NAV3: variants seen among roughly 807,000 people sequenced by gnomAD.
The protein encoded by NAV3 is neuron navigator 3.
In NAV3, 87 loss-of-function variants were observed where a neutral mutation model predicts 244.7. The observed-to-expected ratio is 0.36, with a 90% CI of 0.30 to 0.42. The LOEUF is 0.42. Among genes scored for constraint, NAV3 ranks in the 20% least tolerant of loss-of-function variants. The pLI is 1.00. For synonymous variants in NAV3, 1,126 were observed against 1,042.2 expected, an observed-to-expected ratio of 1.08 and a Z score of -1.55; for missense variants, 2,663 against 2,893.3, an observed-to-expected ratio of 0.92 and a Z score of 1.83.
At chr12:77,756,299 C>T (rs1258871986) in intron 2 of NAV3, among the ~76,000 whole-genome samples, 2 of 152,076 alleles carry the variant, frequency 1.3e-5, no homozygotes, top group African/African-American at 2.4e-5. Flanking sequence ...AAGCTTTAGC[C>T]TATGGCTCAG....
At chr12:77,857,508 G>C (rs1438398663) in intron 1 of NAV3, among the ~76,000 whole-genome samples, 1 of 151,652 alleles carries the variant, frequency 6.6e-6, no homozygotes, top group Non-Finnish European at 1.5e-5. Context: ...AAAATGTAAT[G>C]AATTCCATTT....
intron 1 of NAV3, among the ~76,000 whole-genome samples, chr12:77,860,480 C>T (rs1879103112): frequency 6.6e-6 from 1 of 151,326 alleles, no homozygotes; most frequent in Non-Finnish European, 1.5e-5. Flanking sequence ...TAAAAATTAG[C>T]AAACCTCTAT....
rs1445381231 is a variant in NAV3 at position 77,619,825 on chromosome 12, T to C, written c.72+47559T>C. Among the ~76,000 whole-genome samples, 8 of 151,986 alleles carry C rather than the reference T, an allele frequency of 5.3e-5. No individual in the cohort carries two copies. The East Asian group carries it at 1.6e-3, about 29-fold the overall frequency. ...TCTCAAAATGACTTTGGAGTGAAAG[T>C]AATTATTTTAGGGAGAGGGAAATTG... is the stretch of plus-strand genomic sequence containing the variant. On this transcript the variant is annotated intron_variant, in intron 2 of 8. Coordinates refer to the NAV3 transcript ENST00000550042.
chr12:78,175,483 C>T (rs553981585), intron 25 of NAV3, 56 bp downstream of exon 25: 1 of 1,581,414 alleles, frequency 6.3e-7, no homozygotes, highest in Non-Finnish European at 8.6e-7. Flanking sequence ...ATGTGTTAGG[C>T]CTTTTTCTTT....
chr12:77,885,389 T>A (rs1883165866), intron 1 of NAV3, among the ~76,000 whole-genome samples: 1 of 152,106 alleles, frequency 6.6e-6, no homozygotes, highest in Non-Finnish European at 1.5e-5. Flanking sequence ...TGTATATATG[T>A]CTCTTATTTT....
intron 2 of NAV3, among the ~76,000 whole-genome samples, chr12:77,720,764 A>T (rs80292836): frequency 6.6e-6 from 1 of 152,096 alleles, no homozygotes; most frequent in African/African-American, 2.4e-5. Flanking sequence ...CAGTGGTTTC[A>T]TGCTCACTGA....
intron 1 of NAV3, among the ~76,000 whole-genome samples, chr12:77,837,229 A>C (rs1304117126): frequency 4.0e-5 from 6 of 151,396 alleles, no homozygotes; most frequent in African/African-American, 1.5e-4. Context: ...GTAAACTTTT[A>C]AAGTTTAAAC....
intron 2 of NAV3, among the ~76,000 whole-genome samples, chr12:77,661,647 C>G (rs1873454621): frequency 6.6e-6 from 1 of 152,024 alleles, no homozygotes; most frequent in African/African-American, 2.4e-5. Flanking sequence ...AAATTTTCTC[C>G]TATTTCTTCT....
At chr12:78,168,901 T>C (rs754312260) in intron 24 of NAV3, 35 bp downstream of exon 24, 2 of 1,399,696 alleles carry the variant, frequency 1.4e-6, no homozygotes, top group Non-Finnish European at 2.0e-6. Flanking sequence ...CCACCCAATA[T>C]AATAGACATC....
chr12:78,120,235 A>G (rs1955614477), intron 15 of NAV3, among the ~76,000 whole-genome samples: 1 of 152,170 alleles, frequency 6.6e-6, no homozygotes, highest in Non-Finnish European at 1.5e-5. Context: ...GGTAATACCT[A>G]AGTGTAGTGA....
rs866612474 is a variant in NAV3 at position 77,676,019 on chromosome 12, G to C, written c.72+103753G>C. 2.0e-5 allele frequency among the ~76,000 whole-genome samples: 3 copies of C among 152,208 alleles called. 1 individual carries two copies. The South Asian group carries it at 6.2e-4, about 32-fold the overall frequency. On this transcript the variant is annotated intron_variant, in intron 2 of 8. Coordinates refer to the NAV3 transcript ENST00000550042. ...TCCACAGTTCCTCACCCACCAGAAGGGCTGTCATCACATCATCCACTTCAC... is the reference window on the plus strand; with the variant it reads ...TCCACAGTTCCTCACCCACCAGAAGCGCTGTCATCACATCATCCACTTCAC...
intron 22 of NAV3, 115 bp downstream of exon 22, chr12:78,149,034 C>T (rs1956971306): frequency 2.5e-6 from 2 of 805,770 alleles, no homozygotes; most frequent in South Asian, 3.5e-5. Flanking sequence ...AGATTACCAA[C>T]TAGCAGGACT....
At chr12:77,986,353 C>T (rs1870507289) in intron 5 of NAV3, among the ~76,000 whole-genome samples, 1 of 152,144 alleles carries the variant, frequency 6.6e-6, no homozygotes, top group South Asian at 2.1e-4. Flanking sequence ...CAGAGCAAAA[C>T]TCCATCTCAA....
chr12:77,857,914 T>C (rs1289256073), intron 1 of NAV3, among the ~76,000 whole-genome samples: 1 of 152,078 alleles, frequency 6.6e-6, no homozygotes, highest in Non-Finnish European at 1.5e-5. Context: ...GTTTGCATAT[T>C]TGTTACTGGT....
At chr12:78,202,601 T>C (rs1366464580) in intron 38 of NAV3, among the ~76,000 whole-genome samples, 1 of 152,116 alleles carries the variant, frequency 6.6e-6, no homozygotes, top group African/African-American at 2.4e-5. Flanking sequence ...AACTGAGAGA[T>C]ATTTCAAAAT....
intron 2 of NAV3, among the ~76,000 whole-genome samples, chr12:77,804,317 AT>A (rs1393818675): frequency 6.6e-6 from 1 of 152,034 alleles, no homozygotes; most frequent in Non-Finnish European, 1.5e-5. Context: ...TCTTGAGTTA[AT>A]TTTGTATAAG....
intron 11 of NAV3, among the ~76,000 whole-genome samples, chr12:78,051,495 T>G (rs1034987627): frequency 1.3e-5 from 2 of 152,180 alleles, no homozygotes; most frequent in Non-Finnish European, 2.9e-5. Context: ...GCTTGATTTT[T>G]TTTTTCTTTT....
At chr12:77,642,020 G>C (rs1872436556) in intron 2 of NAV3, among the ~76,000 whole-genome samples, 1 of 152,040 alleles carries the variant, frequency 6.6e-6, no homozygotes, top group African/African-American at 2.4e-5. Flanking sequence ...CAGGCCTAGA[G>C]AAAAATTTGA....
chr12:77,947,531 G>A (rs1428676268), intron 3 of NAV3: 1 of 151,480 alleles, frequency 6.6e-6, no homozygotes, highest in East Asian at 2.0e-4. Flanking sequence ...CTGCAAAATT[G>A]TAGCACTATG....
Sources: gnomAD v4.1 joint callset for allele counts (sites outside exome capture counted in the v4.1 genomes callset) on GRCh38, gnomAD v4.1.1 for gene constraint, MANE v1.5 for transcripts, NCBI Gene and HGNC (gene_info 2026-07-23, HGNC 2026-07-21) for gene names.